NCKAP5: variants seen among roughly 807,000 people sequenced by gnomAD.
NCKAP5 encodes the protein NCK associated protein 5.
A neutral mutation model predicts 167.0 loss-of-function variants in NCKAP5; 92 were observed. That is an observed-to-expected ratio of 0.55 (90% CI 0.47 to 0.66). NCKAP5 has a LOEUF of 0.66. Ranked by LOEUF, NCKAP5 falls within the 30% of genes least tolerant of loss-of-function variation. NCKAP5 has a pLI of 0.00. For synonymous variants in NCKAP5, 891 were observed against 877.4 expected (o/e 1.02, Z -0.27); for missense variants, 2,378 against 2,315.0 (o/e 1.03, Z -0.56).
intron 19 of NCKAP5, among the ~76,000 whole-genome samples, chr2:132,719,285 T>G (rs1689682355): frequency 6.6e-6 from 1 of 152,212 alleles, no homozygotes; most frequent in Admixed American, 6.5e-5. Flanking sequence ...AAAACAAAAT[T>G]TAAAATGTGT....
At position 132,920,741 on chromosome 2, in the gene NCKAP5, ATGTG is replaced by A. The variant is rs1169419658; in HGVS notation, c.580-41829_580-41826del. ...TATGTATATATATATATGTATATAT[ATGTG>A]TATATATATATGTATATATATGTAT... On this transcript the variant is annotated intron_variant, in intron 8 of 19. Coordinates refer to ENST00000409261, the MANE Select transcript of NCKAP5 (RefSeq NM_207363.3). Among the ~76,000 whole-genome samples, 39 of 103,556 alleles carry A rather than the reference ATGTG, an allele frequency of 3.8e-4. 1 individual carries two copies. The highest frequency in any genetic ancestry group is 1.6e-3 in the African/African-American group (36 of 22,874). 67.9% of individuals were successfully genotyped at this position (103,556 alleles called of 152,430 possible). A position where few individuals can be genotyped will look rare whatever the true frequency, so the allele number is the denominator to read the frequency against.
chr2:133,451,187 C>A (rs544341711), intron 3 of NCKAP5, among the ~76,000 whole-genome samples: 1 of 152,202 alleles, frequency 6.6e-6, no homozygotes, highest in African/African-American at 2.4e-5. Context: ...ATTTTTAGAG[C>A]CTAATCAGAT....
chr2:133,408,571 G>A (rs1688587157), intron 3 of NCKAP5, among the ~76,000 whole-genome samples: 1 of 152,148 alleles, frequency 6.6e-6, no homozygotes, highest in Admixed American at 6.5e-5. Context: ...GTGACTTGGG[G>A]ACACAGAAAG....
chr2:132,859,249 C>A (rs1396240427), intron 11 of NCKAP5, among the ~76,000 whole-genome samples: 1 of 152,084 alleles, frequency 6.6e-6, no homozygotes, highest in Non-Finnish European at 1.5e-5. Flanking sequence ...ATTTGGGGGG[C>A]AAATTACATT....
chr2:133,057,590 C>T (rs2079849066), intron 6 of NCKAP5, among the ~76,000 whole-genome samples: 1 of 152,216 alleles, frequency 6.6e-6, no homozygotes, highest in Non-Finnish European at 1.5e-5. Flanking sequence ...AAGACCTTAA[C>T]TCTCTTCAAT....
intron 3 of NCKAP5, among the ~76,000 whole-genome samples, chr2:133,513,516 G>A (rs1234051277): frequency 6.6e-6 from 1 of 152,192 alleles, no homozygotes; most frequent in Non-Finnish European, 1.5e-5. Flanking sequence ...GATCTGGAGG[G>A]AAAATGGAAA....
intron 4 of NCKAP5, among the ~76,000 whole-genome samples, chr2:133,252,781 T>C (rs746421860): frequency 1.3e-5 from 2 of 152,058 alleles, no homozygotes; most frequent in Non-Finnish European, 2.9e-5. Flanking sequence ...TCTACAAGGG[T>C]TCTAAAGTTA....
intron 18 of NCKAP5, 27 bp from the exon 19 acceptor site, chr2:132,725,786 G>C (rs1407269703): frequency 1.9e-6 from 3 of 1,608,808 alleles, no homozygotes; most frequent in Non-Finnish European, 8.5e-7. Flanking sequence ...AGACTGTTAA[G>C]ATAATTCATA....
chr2:132,959,377 T>A (rs1056059002), intron 8 of NCKAP5, among the ~76,000 whole-genome samples: 3 of 152,166 alleles, frequency 2.0e-5, no homozygotes, highest in Non-Finnish European at 4.4e-5. Context: ...GCTATCTAGC[T>A]AAGTCATCAG....
At chr2:132,995,679 CAAAA>C (rs869170293) in intron 6 of NCKAP5, among the ~76,000 whole-genome samples, 2 of 125,266 alleles carry the variant, frequency 1.6e-5, no homozygotes, top group East Asian at 2.5e-4. Flanking sequence ...AACAAACAAA[CAAAA>C]AACATTTTTG....
intron 5 of NCKAP5, among the ~76,000 whole-genome samples, chr2:133,170,650 G>T (rs543442507): frequency 2.6e-4 from 39 of 152,326 alleles, no homozygotes; most frequent in African/African-American, 8.9e-4. Context: ...ATGTCATTCT[G>T]CCCTGTAACA....
chr2:133,119,622 A>G (rs2082190388), intron 6 of NCKAP5, among the ~76,000 whole-genome samples: 1 of 152,178 alleles, frequency 6.6e-6, no homozygotes, highest in Non-Finnish European at 1.5e-5. Flanking sequence ...ATACGAATGT[A>G]TTAAAATATC....
intron 5 of NCKAP5, among the ~76,000 whole-genome samples, chr2:133,172,748 T>C (rs1025647040): frequency 6.6e-6 from 1 of 151,976 alleles, no homozygotes; most frequent in Non-Finnish European, 1.5e-5. Context: ...CCCGGGTTCA[T>C]GCCATTCTCC....
chr2:132,950,338 C>T (rs1171220352), intron 8 of NCKAP5, among the ~76,000 whole-genome samples: 3 of 152,044 alleles, frequency 2.0e-5, no homozygotes, highest in Non-Finnish European at 4.4e-5. Context: ...TTCAATATTA[C>T]ATAAATGTTA....
chr2:133,304,217 GAA>G (rs1553612045), intron 3 of NCKAP5, among the ~76,000 whole-genome samples: 1 of 152,142 alleles, frequency 6.6e-6, no homozygotes, highest in Non-Finnish European at 1.5e-5. Flanking sequence ...GGGGCTGGGA[GAA>G]AGACAGGAGT....
At chr2:132,698,262 C>T (rs1461586986) in intron 19 of NCKAP5, among the ~76,000 whole-genome samples, 2 of 152,078 alleles carry the variant, frequency 1.3e-5, no homozygotes, top group East Asian at 3.9e-4. Flanking sequence ...TAAAAAAGAC[C>T]AAATTTGTTC....
At chr2:133,668,387 C>T in the NCKAP5 span, among the ~76,000 whole-genome samples, 1 of 152,032 alleles carries the variant, frequency 6.6e-6, no homozygotes, top group African/African-American at 2.4e-5. Flanking sequence ...ACAATTTACA[C>T]AATTTTACAT....
At chr2:133,567,657 CTG>C (rs3050985) in intron 1 of NCKAP5, among the ~76,000 whole-genome samples, 8,700 of 130,836 alleles carry the variant, frequency 0.066, 250 homozygotes, top group Admixed American at 0.088. Context: ...ATGAATGAGC[CTG>C]TGTGTGTGTG....
chr2:133,475,842 A>C (rs142154636), intron 3 of NCKAP5, among the ~76,000 whole-genome samples: 32 of 152,336 alleles, frequency 2.1e-4, no homozygotes, highest in African/African-American at 7.2e-4. Context: ...CTCTTATCAT[A>C]ACTCCAGGTA....
Sources: allele counts gnomAD v4.1 joint callset (sites outside exome capture counted in the v4.1 genomes callset), GRCh38; gene constraint gnomAD v4.1.1; transcripts MANE v1.5; gene names NCBI Gene and HGNC (gene_info 2026-07-23, HGNC 2026-07-21).